The following SLC24A2 variants were observed in gnomAD, a reference collection of about 807,000 sequenced individuals.
The protein encoded by SLC24A2 is sodium/potassium/calcium exchanger 2.
In SLC24A2, 36 loss-of-function variants were observed where a neutral mutation model predicts 62.0. The observed-to-expected ratio is 0.58, with a 90% CI of 0.44 to 0.77. The LOEUF (loss-of-function observed/expected upper bound fraction) is 0.77, where lower values mean the gene tolerates loss of function less well. Among genes scored for constraint, SLC24A2 ranks in the 30% least tolerant of loss-of-function variants. The pLI, the probability that SLC24A2 is intolerant of heterozygous loss-of-function variation, is 0.00. For missense variants in SLC24A2, 846 were observed against 817.9 expected (o/e 1.03, Z -0.42); for synonymous variants, 358 against 294.0 (o/e 1.22, Z -2.23).
At chr9:20,019,135 A>AG in the SLC24A2 span, among the ~76,000 whole-genome samples, 1 of 129,336 alleles carries the variant, frequency 7.7e-6, no homozygotes, top group African/African-American at 3.3e-5. Flanking sequence ...GAAAGAAAGA[A>AG]AGAAAGAAAG....
chr9:19,677,728 C>T (rs1819601181), intron 2 of SLC24A2, among the ~76,000 whole-genome samples: 1 of 151,350 alleles, frequency 6.6e-6, no homozygotes, highest in African/African-American at 2.4e-5. Context: ...ATATTGTATA[C>T]AATATACAAA....
At chr9:20,039,702 A>G in the SLC24A2 span, among the ~76,000 whole-genome samples, 1 of 152,074 alleles carries the variant, frequency 6.6e-6, no homozygotes, top group East Asian at 1.9e-4. Context: ...ACAGGGGAAG[A>G]AAATGGGGAT....
the SLC24A2 span, among the ~76,000 whole-genome samples, chr9:19,971,120 T>A: frequency 2.0e-5 from 3 of 152,176 alleles, no homozygotes; most frequent in Non-Finnish European, 2.9e-5. Flanking sequence ...CATAAGCATG[T>A]ATTTGCATTA....
At chr9:20,199,903 T>TG in the SLC24A2 span, among the ~76,000 whole-genome samples, 10 of 142,290 alleles carry the variant, frequency 7.0e-5, no homozygotes, top group African/African-American at 2.4e-4. Context: ...TTTTTTTTTT[T>TG]GTATTTTTAT....
chr9:19,779,467 C>G (rs1054646346), intron 2 of SLC24A2, among the ~76,000 whole-genome samples: 1 of 152,058 alleles, frequency 6.6e-6, no homozygotes, highest in Non-Finnish European at 1.5e-5. Context: ...CGAAATTGGA[C>G]GAGAAAATAA....
the SLC24A2 span, among the ~76,000 whole-genome samples, chr9:19,937,422 G>A: frequency 1.3e-5 from 2 of 152,218 alleles, no homozygotes; most frequent in Non-Finnish European, 2.9e-5. Flanking sequence ...GTGCAACTTA[G>A]ATAAATAATT....
At chr9:20,086,255 GCCCATCCTC>G in the SLC24A2 span, among the ~76,000 whole-genome samples, 3 of 152,048 alleles carry the variant, frequency 2.0e-5, no homozygotes, top group Admixed American at 2.0e-4. Context: ...TTCTCAAATA[GCCCATCCTC>G]CCCATTCTCC....
chr9:20,107,238 A>G, the SLC24A2 span, among the ~76,000 whole-genome samples: 1 of 152,188 alleles, frequency 6.6e-6, no homozygotes, highest in Non-Finnish European at 1.5e-5. Flanking sequence ...ATGGGTAGGA[A>G]GAATCAATAT....
the SLC24A2 span, among the ~76,000 whole-genome samples, chr9:19,878,118 A>G: frequency 3.3e-5 from 5 of 152,082 alleles, no homozygotes; most frequent in Non-Finnish European, 1.5e-5. Flanking sequence ...AACAACACCT[A>G]CTGCTCTTAC....
intron 8 of SLC24A2, among the ~76,000 whole-genome samples, chr9:19,530,139 G>C (rs571061872): frequency 6.9e-6 from 1 of 145,586 alleles, no homozygotes; most frequent in African/African-American, 2.6e-5. Context: ...CGAATTCCCT[G>C]AGCCAGTGCT....
chr9:20,088,764 C>A, the SLC24A2 span, among the ~76,000 whole-genome samples: 7 of 151,696 alleles, frequency 4.6e-5, no homozygotes, highest in Non-Finnish European at 8.9e-5. Flanking sequence ...TTGGGCAGGA[C>A]CTCTGCATCG....
chr9:20,138,282 T>C, the SLC24A2 span, among the ~76,000 whole-genome samples: 4 of 152,232 alleles, frequency 2.6e-5, no homozygotes, highest in African/African-American at 7.2e-5. Context: ...CAAATGTGCT[T>C]TGTCATTTGA....
At chr9:19,653,536 A>G (rs938481950) in intron 2 of SLC24A2, among the ~76,000 whole-genome samples, 3 of 152,182 alleles carry the variant, frequency 2.0e-5, no homozygotes, top group Admixed American at 2.0e-4. Flanking sequence ...CTTCATTCCA[A>G]TAGCTTTCTT....
the SLC24A2 span, among the ~76,000 whole-genome samples, chr9:19,942,405 A>T: frequency 6.6e-6 from 1 of 152,180 alleles, no homozygotes; most frequent in African/African-American, 2.4e-5. Context: ...GGTCACATGG[A>T]GAATCAGTGT....
At chr9:19,719,250 T>C (rs949073487) in intron 2 of SLC24A2, among the ~76,000 whole-genome samples, 1 of 152,190 alleles carries the variant, frequency 6.6e-6, no homozygotes, top group African/African-American at 2.4e-5. Context: ...ATTATTCCTC[T>C]GGGGACTTAT....
chr9:19,776,876 G>A (rs1822861383), intron 2 of SLC24A2, among the ~76,000 whole-genome samples: 1 of 152,146 alleles, frequency 6.6e-6, no homozygotes, highest in Non-Finnish European at 1.5e-5. Flanking sequence ...AATCTGTTAG[G>A]TCACTGAGGG....
chr9:19,673,181 A>T (rs183032074), intron 2 of SLC24A2, among the ~76,000 whole-genome samples: 2 of 146,516 alleles, frequency 1.4e-5, no homozygotes, highest in Admixed American at 1.3e-4. Context: ...CTCATTTCTT[A>T]GGTCTAGTAG....
At chr9:19,825,337 T>A in the SLC24A2 span, among the ~76,000 whole-genome samples, 3 of 152,200 alleles carry the variant, frequency 2.0e-5, no homozygotes, top group African/African-American at 7.2e-5. Context: ...ATAAATAATT[T>A]AGTAAGTGCT....
the SLC24A2 span, among the ~76,000 whole-genome samples, chr9:20,252,012 G>A: frequency 9.2e-5 from 14 of 152,312 alleles, no homozygotes; most frequent in Admixed American, 3.9e-4. Flanking sequence ...TGGGTCACCT[G>A]CCCATTCCTA....
Sources: allele counts gnomAD v4.1 joint callset (sites outside exome capture counted in the v4.1 genomes callset), GRCh38; gene constraint gnomAD v4.1.1; transcripts MANE v1.5; gene names NCBI Gene and HGNC (gene_info 2026-07-23, HGNC 2026-07-21).